The following ZCCHC14 variants were observed in gnomAD, a reference collection of about 807,000 sequenced individuals.
The protein encoded by ZCCHC14 is zinc finger CCHC-type containing 14, also known as zinc finger CCHC domain-containing protein 14.
ZCCHC14 carries 16 observed loss-of-function variants against 85.0 expected under a neutral mutation model. The observed-to-expected ratio is 0.19, with a 90% confidence interval of 0.13 to 0.29. The LOEUF (loss-of-function observed/expected upper bound fraction) is 0.29. ZCCHC14 is among the 10% of genes least tolerant of loss of function. The pLI is 1.00. For missense variants in ZCCHC14, 1,303 were observed against 1,443.5 expected (o/e 0.90, Z 1.58); for synonymous variants, 775 against 630.7 (o/e 1.23, Z -3.43).
intron 1 of ZCCHC14, among the ~76,000 whole-genome samples, chr16:87,481,603 G>A (rs984596653): frequency 6.9e-6 from 1 of 145,940 alleles, no homozygotes; most frequent in Admixed American, 7.0e-5. Context: ...AAAGTACAGG[G>A]GGAAAGAAAG....
rs1165495442 is a variant in ZCCHC14 at position 87,412,513 on chromosome 16, T to C, written c.2208A>G (p.Ala736=). The part of the protein sequence containing the change: ...SFGPRTKVVH[A]STLDRVLKTA... ...TCTTCAGCACCCTGTCCAGCGTGGA[T>C]GCATGCACGACTTTGGTCCGGGGAC... Residue 736 remains alanine, a synonymous_variant, in exon 12 of 13, where the codon GCA becomes GCG. Transcript: ENST00000671377. The C allele has an allele frequency of 6.2e-7, 1 of 1,614,042 alleles. No individual in the cohort carries two copies. The highest frequency in any genetic ancestry group is 1.7e-5 in the Admixed American group (1 of 60,028).
At chr16:87,419,582 T>A (rs1029715418) in intron 6 of ZCCHC14, among the ~76,000 whole-genome samples, 1 of 152,210 alleles carries the variant, frequency 6.6e-6, no homozygotes, top group African/African-American at 2.4e-5. Context: ...ATTATAGGCG[T>A]GAGCCACTGC....
intron 2 of ZCCHC14, among the ~76,000 whole-genome samples, chr16:87,450,893 C>T (rs758289019): frequency 6.6e-6 from 1 of 151,206 alleles, no homozygotes; most frequent in African/African-American, 2.4e-5. Context: ...AGGAAGTGAA[C>T]ACCTTTTCCT....
At chr16:87,480,756 CAG>C (rs1912230932) in intron 1 of ZCCHC14, among the ~76,000 whole-genome samples, 1 of 152,172 alleles carries the variant, frequency 6.6e-6, no homozygotes, top group South Asian at 2.1e-4. Context: ...TGGGCAGAAA[CAG>C]AACACAGCAC....
chr16:87,479,142 C>A (rs367611483), intron 1 of ZCCHC14, among the ~76,000 whole-genome samples: 1 of 151,888 alleles, frequency 6.6e-6, no homozygotes, highest in Non-Finnish European at 1.5e-5. Flanking sequence ...ATAGGCTGGG[C>A]GTGGTGGCTC....
intron 1 of ZCCHC14, among the ~76,000 whole-genome samples, chr16:87,482,456 C>T (rs1392129191): frequency 6.6e-6 from 1 of 152,208 alleles, no homozygotes; most frequent in African/African-American, 2.4e-5. Context: ...CCAGCCGGCC[C>T]GGCACACCCA....
intron 3 of ZCCHC14, among the ~76,000 whole-genome samples, chr16:87,429,823 T>A (rs1597411516): frequency 6.6e-6 from 1 of 152,228 alleles, no homozygotes; most frequent in Non-Finnish European, 1.5e-5. Flanking sequence ...GCTAGGCTGG[T>A]CTCAAACTCC....
chr16:87,443,862 C>A (rs1654502383), intron 2 of ZCCHC14, among the ~76,000 whole-genome samples: 1 of 152,010 alleles, frequency 6.6e-6, no homozygotes, highest in Admixed American at 6.6e-5. Flanking sequence ...AATGGGGAAA[C>A]CCAATCTCTA....
intron 3 of ZCCHC14, among the ~76,000 whole-genome samples, chr16:87,429,844 T>C (rs943267729): frequency 6.6e-6 from 1 of 152,256 alleles, no homozygotes; most frequent in African/African-American, 2.4e-5. Flanking sequence ...TGACCTCAGG[T>C]GATCCGTCCG....
intron 7 of ZCCHC14, 167 bp from the exon 8 acceptor site, chr16:87,417,909 T>C (rs1908879748): frequency 1.3e-6 from 1 of 744,798 alleles, no homozygotes; most frequent in Admixed American, 3.0e-5. Flanking sequence ...ATGACTGCCC[T>C]CCCTCCCCAA....
At chr16:87,459,936 C>T (rs1465903971) in intron 2 of ZCCHC14, 72 bp downstream of exon 2, 2 of 1,601,488 alleles carry the variant, frequency 1.2e-6, no homozygotes, top group African/African-American at 2.7e-5. Context: ...TTAACAATGC[C>T]CTCACGGGGA....
rs1208437133 is a variant in ZCCHC14 at position 87,492,723 on chromosome 16, C to A, written c.-485G>T. The A allele has an allele frequency of 6.8e-6, 1 of 146,444 alleles. No individual in the cohort carries two copies. The highest frequency in any genetic ancestry group is 2.4e-5 in the African/African-American group (1 of 40,836). 9.1% of individuals were successfully genotyped at this position (146,444 alleles called of 1,614,324 possible). On this transcript the variant is annotated 5_prime_UTR_variant, in exon 1 of 13. Transcript: ENST00000671377. This position sits in a 1 kb window ranked among gnomAD's most constrained non-coding sequence, Gnocchi z 6.7. The stretch of plus-strand genomic sequence containing the variant: ...GGCCATGCCGTCGCCGCCGCCCGCG[C>A]CTCCGCCCAGGCCGGCCGTTACCCC...
At chr16:87,447,325 G>T (rs549048667) in intron 2 of ZCCHC14, among the ~76,000 whole-genome samples, 5 of 152,072 alleles carry the variant, frequency 3.3e-5, no homozygotes, top group African/African-American at 1.2e-4. Flanking sequence ...AATTTGAGGC[G>T]AAATTTACAT....
At chr16:87,422,599 G>A (rs553402410) in intron 4 of ZCCHC14, among the ~76,000 whole-genome samples, 9 of 151,876 alleles carry the variant, frequency 5.9e-5, no homozygotes, top group Non-Finnish European at 8.8e-5. Flanking sequence ...AGCTGGGCGT[G>A]GTGGTGTGCA....
intron 2 of ZCCHC14, among the ~76,000 whole-genome samples, chr16:87,450,053 CAA>C (rs886885676): frequency 3.3e-5 from 5 of 152,120 alleles, no homozygotes; most frequent in African/African-American, 1.2e-4. Context: ...TCTCAAAAAA[CAA>C]AGAGAAAAAG....
chr16:87,467,846 T>A (rs1056871842), intron 1 of ZCCHC14, among the ~76,000 whole-genome samples: 3 of 152,068 alleles, frequency 2.0e-5, no homozygotes, highest in Admixed American at 6.5e-5. Context: ...AGAGACGGGG[T>A]TTCACCGTGT....
chr16:87,462,344 G>C (rs369442345), intron 1 of ZCCHC14, among the ~76,000 whole-genome samples: 1 of 152,108 alleles, frequency 6.6e-6, no homozygotes, highest in Admixed American at 6.5e-5. Context: ...TAATAGAACC[G>C]ATACAAGTAC....
At chr16:87,465,351 G>C (rs190891909) in intron 1 of ZCCHC14, among the ~76,000 whole-genome samples, 289 of 152,344 alleles carry the variant, frequency 1.9e-3, no homozygotes, top group African/African-American at 6.5e-3. Context: ...GAATCAAACG[G>C]AAAGCACTTC....
At chr16:87,468,846 A>G (rs1240826272) in intron 1 of ZCCHC14, among the ~76,000 whole-genome samples, 1 of 152,218 alleles carries the variant, frequency 6.6e-6, no homozygotes, top group Non-Finnish European at 1.5e-5. Flanking sequence ...CGCAGGCCTC[A>G]GGAGTGCCAA....
Sources: gnomAD v4.1 joint callset for allele counts (sites outside exome capture counted in the v4.1 genomes callset) on GRCh38, gnomAD v4.1.1 for gene constraint, Gnocchi (gnomAD v3.1) non-coding constraint, MANE v1.5 for transcripts, NCBI Gene and HGNC (gene_info 2026-07-23, HGNC 2026-07-21) for gene names.